The following TRIM26 variants were observed in gnomAD, a reference collection of about 807,000 sequenced individuals.
TRIM26 encodes the protein tripartite motif-containing protein 26.
Under a neutral mutation model 45.5 loss-of-function variants are expected in TRIM26, and 16 were observed. The observed-to-expected ratio is 0.35, with a 90% CI of 0.24 to 0.53. The LOEUF (loss-of-function observed/expected upper bound fraction) is 0.53, where lower values mean the gene tolerates loss of function less well. TRIM26 is among the 20% of genes least tolerant of loss of function. The pLI is 0.92. For missense variants in TRIM26, 442 were observed against 691.1 expected, an observed-to-expected ratio of 0.64 and a Z score of 4.04; for synonymous variants, 273 against 290.4, an observed-to-expected ratio of 0.94 and a Z score of 0.61.
Position 30,201,058 on chromosome 6 carries a change from A to T in TRIM26, c.-185T>A, listed in dbSNP as rs1298293117. The stretch of plus-strand genomic sequence containing the variant: ...ACCTGGAGGACTTGCTCTCCTATAG[A>T]TCCATGGAAGGCAACTACAGCAGCG... On this transcript the variant is annotated 5_prime_UTR_variant, in exon 3 of 10. Transcript: ENST00000454678. 2 of 152,256 alleles carry T rather than the reference A, an allele frequency of 1.3e-5. No individual in the cohort carries two copies. Among genetic ancestry groups the T allele is most frequent in the Non-Finnish European group, 2.9e-5 (2 of 68,070 alleles). 9.4% of individuals were successfully genotyped at this position (152,256 alleles called of 1,614,324 possible).
intron 1 of TRIM26, among the ~76,000 whole-genome samples, chr6:30,208,331 G>A (rs1245576912): frequency 5.9e-5 from 9 of 152,116 alleles, no homozygotes; most frequent in Non-Finnish European, 1.0e-4. Context: ...CCAAGGTTTC[G>A]CTCCAGCAAC....
rs766210795 is a variant in TRIM26 at position 30,196,508 on chromosome 6, C to A, written c.765+8G>T. ...TCCCTGGCGCCCTGCCCAGGGACGG[C>A]CTCTCACCTGCATGAGCTCTGCAGC... On this transcript the variant is annotated splice_region_variant and intron_variant, in intron 6 of 9. Transcript: ENST00000454678. The surrounding 1 kb of genome is among the most constrained non-coding windows in gnomAD (Gnocchi z 4.9). 1.9e-6 allele frequency: 3 copies of A among 1,604,848 alleles called. No individual in the cohort carries two copies. The highest frequency in any genetic ancestry group is 2.5e-6 in the Non-Finnish European group (3 of 1,179,430).
At chr6:30,200,092 G>A (rs1375043370) in intron 3 of TRIM26, among the ~76,000 whole-genome samples, 1 of 152,114 alleles carries the variant, frequency 6.6e-6, no homozygotes, top group Non-Finnish European at 1.5e-5. Flanking sequence ...GCAACATAGT[G>A]AGACCCTGTC....
rs1359719179 is a variant in TRIM26 at position 30,190,961 on chromosome 6, AC to A, written c.766-927del. On this transcript the variant is annotated intron_variant, in intron 6 of 9. Transcript: ENST00000454678. This position sits in a 1 kb window ranked among gnomAD's most constrained non-coding sequence, Gnocchi z 4.3. ...CAGTGAGCCAAAACCCTAAGTGACCACTCACTTGGCTGCCCCACAGAGAAGG... is the reference window on the plus strand; with the variant it reads ...CAGTGAGCCAAAACCCTAAGTGACCATCACTTGGCTGCCCCACAGAGAAGG... Among the ~76,000 whole-genome samples the A allele has an allele frequency of 6.6e-6, 1 of 152,102 alleles. No homozygotes were observed. The highest frequency in any genetic ancestry group is 2.4e-5 in the African/African-American group (1 of 41,420).
In TRIM26 at chr6:30,189,648, C is replaced by A; in HGVS notation, c.789-115G>T. 2.2e-6 allele frequency: 2 copies of A among 919,654 alleles called. No individual in the cohort carries two copies. Among genetic ancestry groups the A allele is most frequent in the South Asian group, 1.5e-5 (1 of 65,600 alleles). The allele number at this position is 919,654 out of a possible 1,614,324, so 57.0% of individuals were successfully genotyped here. A position where few individuals can be genotyped will look rare whatever the true frequency, so the allele number is the denominator to read the frequency against. ...GGGAGAGGAAAGGTATGATTATCCC[C>A]AAACAAGTGACAGAAAAACAGTGGC... On this transcript the variant is annotated intron_variant, in intron 7 of 9. Coordinates refer to ENST00000454678, the MANE Select transcript of TRIM26 (RefSeq NM_003449.5). The surrounding 1 kb of genome is among the most constrained non-coding windows in gnomAD (Gnocchi z 5.0).
chr6:30,195,281 C>A lies in TRIM26; in HGVS notation c.765+1235G>T, dbSNP rs377030958. 8.7e-4 allele frequency among the ~76,000 whole-genome samples: 132 copies of A among 152,194 alleles called. 2 individuals are homozygous for A. Among genetic ancestry groups the A allele is most frequent in the African/African-American group, 2.9e-3 (121 of 41,510 alleles). ...GGAGAGGAAGGAGAAGAGAAACGGG[C>A]AAAAGGAGATGCAGAAAATGACCCA... On this transcript the variant is annotated intron_variant, in intron 6 of 9. Coordinates refer to ENST00000454678, the MANE Select transcript of TRIM26 (RefSeq NM_003449.5).
intron 3 of TRIM26, among the ~76,000 whole-genome samples, chr6:30,199,598 G>A (rs1031738759): frequency 6.6e-6 from 1 of 151,916 alleles, no homozygotes; most frequent in African/African-American, 2.4e-5. Context: ...AGCAGTCATG[G>A]GGGTCCTGAC....
intron 2 of TRIM26, among the ~76,000 whole-genome samples, chr6:30,203,046 C>CA: frequency 7.5e-6 from 1 of 132,854 alleles, no homozygotes; most frequent in South Asian, 2.4e-4. Context: ...TCCTCTCTTT[C>CA]TTTTTTTTTT....
Position 30,189,195 on chromosome 6 carries a change from C to T in TRIM26, c.909G>A (p.Lys303=), listed in dbSNP as rs1317213001. 1.9e-6 allele frequency: 3 copies of T among 1,613,034 alleles called. No homozygotes were observed. The highest frequency in any genetic ancestry group is 2.5e-6 in the Non-Finnish European group (3 of 1,180,030). The part of the protein sequence containing the change: ...LQRGLREFQG[K]LLRDLEYKTV... ...TCTTATATTCCAAGTCTCTCAGCAG[C>T]TTCCCTGGGGAGAAAAAAGGACAGC... is the stretch of plus-strand genomic sequence containing the variant. Residue 303 remains lysine (K), a synonymous_variant, in exon 9 of 10, where the codon AAG becomes AAA. Coordinates refer to ENST00000454678, the MANE Select transcript of TRIM26 (RefSeq NM_003449.5). The surrounding 1 kb of genome is among the most constrained non-coding windows in gnomAD (Gnocchi z 5.0).
Position 30,186,618 on chromosome 6 carries a change from C to A in TRIM26, c.938-60G>T. The A allele has an allele frequency of 6.8e-7, 1 of 1,472,150 alleles. No individual in the cohort carries two copies. The highest frequency in any genetic ancestry group is 1.5e-5 in the South Asian group (1 of 67,496). 91.2% of individuals were successfully genotyped at this position (1,472,150 alleles called of 1,614,324 possible). ...CACTGTTTTGTTTTGTTTTTTAAGT[C>A]AGAGGGAATAAAATTTATTTTGGCA... On this transcript the variant is annotated intron_variant, in intron 9 of 9. Coordinates refer to ENST00000454678, the MANE Select transcript of TRIM26 (RefSeq NM_003449.5). This position sits in a 1 kb window ranked among gnomAD's most constrained non-coding sequence, Gnocchi z 7.4.
Position 30,195,560 on chromosome 6 carries a change from C to T in TRIM26, c.765+956G>A, listed in dbSNP as rs559245780. ...AATCCCTGCCAGTCCTCATTCTGTA[C>T]ATCTGAATTCACAACAATGAGGAGC... On this transcript the variant is annotated intron_variant, in intron 6 of 9. Coordinates refer to ENST00000454678, the MANE Select transcript of TRIM26 (RefSeq NM_003449.5). 2.6e-5 allele frequency among the ~76,000 whole-genome samples: 4 copies of T among 152,294 alleles called. No individual in the cohort carries two copies. In the South Asian group the frequency reaches 6.2e-4, roughly 24 times the overall value.
chr6:30,186,218 CTCT>C lies in TRIM26; in HGVS notation c.1275_1277del (p.Glu432del), dbSNP rs779819441. On this transcript the variant is annotated inframe_deletion, in exon 10 of 10. Transcript: ENST00000454678. The surrounding 1 kb of genome is among the most constrained non-coding windows in gnomAD (Gnocchi z 7.4). ...CCAGAACTTCCTCCTCTTCCTCCTCCTCTTCTTCCTCTTCATCGCCCAACGATT... is the reference window on the plus strand; with the variant it reads ...CCAGAACTTCCTCCTCTTCCTCCTCCTCTTCCTCTTCATCGCCCAACGATT... 7 of 1,596,308 alleles carry C rather than the reference CTCT, an allele frequency of 4.4e-6. No homozygotes were observed. The South Asian group carries it at 5.6e-5, about 13-fold the overall frequency.
intron 6 of TRIM26, among the ~76,000 whole-genome samples, chr6:30,191,273 T>C (rs554499202): frequency 6.6e-6 from 1 of 152,062 alleles, no homozygotes; most frequent in East Asian, 1.9e-4. Context: ...ATGCTCAGAT[T>C]CCCTTTTGTG....
At chr6:30,210,574 A>T (rs1044844158) in intron 1 of TRIM26, among the ~76,000 whole-genome samples, 16 of 152,188 alleles carry the variant, frequency 1.1e-4, no homozygotes, top group African/African-American at 3.9e-4. Context: ...TCCGCTAAAG[A>T]TACATTCATA....
intron 6 of TRIM26, among the ~76,000 whole-genome samples, chr6:30,191,122 T>C (rs1775782011): frequency 6.6e-6 from 1 of 151,958 alleles, no homozygotes; most frequent in Non-Finnish European, 1.5e-5. Flanking sequence ...TTCCAGGTAT[T>C]TTAGAGACAG....
intron 1 of TRIM26, among the ~76,000 whole-genome samples, chr6:30,205,568 G>A (rs1031735895): frequency 6.6e-6 from 1 of 152,168 alleles, no homozygotes; most frequent in African/African-American, 2.4e-5. Flanking sequence ...CCGGGCACGG[G>A]GGCTTGTGCC....
In TRIM26 at chr6:30,196,682, C is replaced by T; in HGVS notation, c.599G>A (p.Arg200Lys). The T allele has an allele frequency of 1.9e-6, 3 of 1,614,252 alleles. No homozygotes were observed. Among genetic ancestry groups the T allele is most frequent in the East Asian group, 2.2e-5 (1 of 44,890 alleles). Residue 200 changes from arginine (R) to lysine (K), a missense_variant, in exon 6 of 10, where the codon AGG (arginine) becomes AAG (lysine). Coordinates refer to ENST00000454678, the MANE Select transcript of TRIM26 (RefSeq NM_003449.5). The surrounding 1 kb of genome is among the most constrained non-coding windows in gnomAD (Gnocchi z 4.9). ...TTCCAGCAGGTGTTCCTCCCGCTCC[C>T]TCAGGAACTGATGACCCTGCTCAAA... is the stretch of plus-strand genomic sequence containing the variant. ...AEFEQGHQFL[R>K]EREEHLLEQL...
intron 5 of TRIM26, among the ~76,000 whole-genome samples, chr6:30,197,512 C>A (rs1031706845): frequency 5.9e-5 from 9 of 152,124 alleles, no homozygotes; most frequent in African/African-American, 1.9e-4. Flanking sequence ...AAAATCAGAA[C>A]CATTTGATCA....
At position 30,196,333 on chromosome 6, in the gene TRIM26, T is replaced by C. The variant is rs1296753921; in HGVS notation, c.765+183A>G. 6.6e-6 allele frequency among the ~76,000 whole-genome samples: 1 copy of C among 152,266 alleles called. No homozygotes were observed. The highest frequency in any genetic ancestry group is 1.5e-5 in the Non-Finnish European group (1 of 68,050). Reference sequence around the variant, plus strand: ...AAGTTTATTTTTTGAAGTGACAGCATGCCAGTTATTTCATTTTATGCTCAT... The same window carrying C: ...AAGTTTATTTTTTGAAGTGACAGCACGCCAGTTATTTCATTTTATGCTCAT... On this transcript the variant is annotated intron_variant, in intron 6 of 9. Coordinates refer to ENST00000454678, the MANE Select transcript of TRIM26 (RefSeq NM_003449.5). The surrounding 1 kb of genome is among the most constrained non-coding windows in gnomAD (Gnocchi z 4.9).
Sources: allele counts gnomAD v4.1 joint callset (sites outside exome capture counted in the v4.1 genomes callset), GRCh38; gene constraint gnomAD v4.1.1; non-coding constraint Gnocchi (gnomAD v3.1); transcripts MANE v1.5; gene names NCBI Gene and HGNC (gene_info 2026-07-23, HGNC 2026-07-21).